The following STAB2 variants were observed in gnomAD, a reference collection of about 807,000 sequenced individuals.
STAB2 encodes the protein stabilin-2.
In STAB2, 288 loss-of-function variants were observed where a neutral mutation model predicts 338.1. The observed-to-expected ratio is 0.85, with a 90% CI of 0.77 to 0.94. The LOEUF (loss-of-function observed/expected upper bound fraction) is 0.94, where lower values mean the gene tolerates loss of function less well. STAB2 is among the 40% of genes least tolerant of loss of function. The pLI is 0.00. For synonymous variants in STAB2, 1,202 were observed against 1,193.3 expected, an observed-to-expected ratio of 1.01 and a Z score of -0.15; for missense variants, 3,141 against 3,210.1, an observed-to-expected ratio of 0.98 and a Z score of 0.52.
chr12:103,644,139 G>A (rs1303514540), intron 9 of STAB2, among the ~76,000 whole-genome samples: 2 of 119,234 alleles, frequency 1.7e-5, no homozygotes, highest in Non-Finnish European at 3.6e-5. Flanking sequence ...TGCCATGTCT[G>A]TGTAGAAAGA....
intron 53 of STAB2, among the ~76,000 whole-genome samples, chr12:103,737,998 A>G (rs958853845): frequency 1.2e-4 from 19 of 152,130 alleles, no homozygotes; most frequent in African/African-American, 4.3e-4. Context: ...TTATCCACCC[A>G]TCTACTCACC....
intron 9 of STAB2, among the ~76,000 whole-genome samples, chr12:103,641,609 C>A (rs7488859): frequency 0.19 from 29,268 of 152,124 alleles, 3,210 homozygotes; most frequent in South Asian, 0.4. Context: ...GAGAACCAAA[C>A]AAGCTGGTGT....
chr12:103,603,090 A>T lies in STAB2; in HGVS notation c.331+8580A>T, dbSNP rs570513291. On this transcript the variant is annotated intron_variant, in intron 3 of 68. Transcript: ENST00000388887. ...TTTTTGTTTTGTTTTGTTTTGTTTG[A>T]GATGGAGTCTCGCTCTGTTGCCCAG... Among the ~76,000 whole-genome samples, 4 of 152,074 alleles carry T rather than the reference A, an allele frequency of 2.6e-5. No homozygotes were observed. In the South Asian group the frequency reaches 8.3e-4, roughly 31 times the overall value.
intron 23 of STAB2, among the ~76,000 whole-genome samples, chr12:103,675,125 A>C (rs1420650830): frequency 6.6e-6 from 1 of 152,178 alleles, no homozygotes; most frequent in Non-Finnish European, 1.5e-5. Flanking sequence ...GATACATGAA[A>C]TATATATTTT....
intron 9 of STAB2, among the ~76,000 whole-genome samples, chr12:103,643,850 C>T (rs201398639): frequency 2.0e-5 from 3 of 148,500 alleles, no homozygotes; most frequent in South Asian, 2.1e-4. Context: ...GCCCCCCACC[C>T]GGCCAGCCGC....
At chr12:103,765,588 G>A (rs555398346) in intron 68 of STAB2, among the ~76,000 whole-genome samples, 1 of 152,340 alleles carries the variant, frequency 6.6e-6, no homozygotes, top group East Asian at 1.9e-4. Context: ...TTTTTAGGCA[G>A]GGTCCTGGTG....
chr12:103,726,007 G>A, intron 45 of STAB2, 109 bp from the exon 46 acceptor site: 1 of 1,219,612 alleles, frequency 8.2e-7, no homozygotes, highest in African/African-American at 1.5e-5. Flanking sequence ...AAGGCCCGGT[G>A]TTACAGATTT....
rs767249646 is a variant in STAB2, at chr12:103,677,496, G to A, written c.2690G>A (p.Cys897Tyr). The A allele has an allele frequency of 1.2e-6, 2 of 1,614,016 alleles. No individual in the cohort carries two copies. The highest frequency in any genetic ancestry group is 3.3e-5 in the Admixed American group (2 of 60,026). ...KTGTGTHTCVCQQGWTGNGRD... is the reference protein window; with the variant it reads ...KTGTGTHTCVYQQGWTGNGRD... The stretch of plus-strand genomic sequence containing the variant: ...GGCACGGGCACCCACACCTGCGTGT[G>A]TCAGCAGGGTTGGACAGGGAATGGG... The change falls in exon 25 of 69, where the codon TGT becomes TAT. Residue 897 changes from cysteine to tyrosine, a missense_variant. By Grantham distance (194) the Cys-to-Tyr change is radical (BLOSUM62 -2). Transcript: ENST00000388887.
intron 39 of STAB2, 196 bp from the exon 40 acceptor site, chr12:103,711,275 G>A: frequency 3.1e-6 from 2 of 637,344 alleles, no homozygotes; most frequent in Middle Eastern, 3.6e-4. Context: ...CACCATCAAT[G>A]TATTTGACCT....
At chr12:103,647,204 C>T (rs1873402922) in intron 9 of STAB2, among the ~76,000 whole-genome samples, 1 of 152,092 alleles carries the variant, frequency 6.6e-6, no homozygotes, top group African/African-American at 2.4e-5. Context: ...GCAAAAAGAC[C>T]AGGTTGAGGC....
At chr12:103,587,830 T>C (rs920161107) in intron 1 of STAB2, among the ~76,000 whole-genome samples, 7 of 152,226 alleles carry the variant, frequency 4.6e-5, no homozygotes, top group African/African-American at 1.7e-4. Flanking sequence ...GCTGTTGGCG[T>C]CTTGTTTTTC....
At chr12:103,619,749 G>T (rs1007975413) in intron 3 of STAB2, among the ~76,000 whole-genome samples, 1 of 139,756 alleles carries the variant, frequency 7.2e-6, no homozygotes. Flanking sequence ...CATCAGCAAC[G>T]CCCCCCGCCC....
chr12:103,588,637 G>A (rs1282797021), intron 1 of STAB2, among the ~76,000 whole-genome samples: 1 of 152,126 alleles, frequency 6.6e-6, no homozygotes, highest in Non-Finnish European at 1.5e-5. Context: ...GACAGACAAT[G>A]AGCCTTTTCA....
intron 61 of STAB2, 130 bp from the exon 62 acceptor site, chr12:103,755,172 C>T: frequency 7.8e-7 from 1 of 1,276,468 alleles, no homozygotes; most frequent in South Asian, 1.3e-5. Flanking sequence ...GTGTGCCAGG[C>T]ACAGAGGTGC....
Position 103,695,772 on chromosome 12 carries a change from T to C in STAB2, c.3510T>C (p.Asp1170=), listed in dbSNP as rs750217570. 2.5e-6 allele frequency: 4 copies of C among 1,614,016 alleles called. 1 individual carries two copies. The South Asian group carries it at 3.3e-5, about 13-fold the overall frequency. ...TGGCGAATGCAATTGAGGCTGCCGA[T>C]GCCTACACAGTGTTTGCTCCAAACA... ...YNLANAIEAA[D]AYTVFAPNNN... The change falls in exon 33 of 69, where the codon GAT becomes GAC. Residue 1170 remains aspartate (D), a synonymous_variant. Transcript: ENST00000388887.
At chr12:103,742,600 G>T (rs756873649) in intron 56 of STAB2, 46 bp downstream of exon 56, 13 of 1,611,020 alleles carry the variant, frequency 8.1e-6, no homozygotes, top group Middle Eastern at 1.7e-4. Flanking sequence ...TTTTGACTGT[G>T]TGCTCCCTGT....
chr12:103,621,340 C>T (rs543146089), intron 4 of STAB2, among the ~76,000 whole-genome samples: 12 of 145,738 alleles, frequency 8.2e-5, no homozygotes, highest in East Asian at 4.8e-4. Flanking sequence ...AGAATTTCTT[C>T]GTTATCTCAT....
intron 68 of STAB2, among the ~76,000 whole-genome samples, chr12:103,765,086 CAAAAAAAAAAA>C (rs56002429): frequency 7.5e-5 from 5 of 66,546 alleles, no homozygotes; most frequent in Non-Finnish European, 1.1e-4. Flanking sequence ...GACTCTGTCT[CAAAAAAAAAAA>C]AAAAAAAAAA....
intron 15 of STAB2, among the ~76,000 whole-genome samples, 175 bp from the exon 16 acceptor site, chr12:103,660,156 A>T (rs1476939109): frequency 1.3e-5 from 2 of 152,174 alleles, no homozygotes; most frequent in Non-Finnish European, 1.5e-5. Flanking sequence ...TCTTCCACAG[A>T]GTGGGAATTT....
Sources: allele counts gnomAD v4.1 joint callset (sites outside exome capture counted in the v4.1 genomes callset), GRCh38; gene constraint gnomAD v4.1.1; transcripts MANE v1.5; gene names NCBI Gene and HGNC (gene_info 2026-07-23, HGNC 2026-07-21).